GALNT3: variants seen among roughly 807,000 people sequenced by gnomAD.
GALNT3 encodes GalNAc transferase 3.
In GALNT3, 51 loss-of-function variants were observed where a neutral mutation model predicts 69.8. The observed-to-expected ratio is 0.73, with a 90% CI of 0.58 to 0.92. The LOEUF (loss-of-function observed/expected upper bound fraction) is 0.92, where lower values mean the gene tolerates loss of function less well. GALNT3 is among the 40% of genes least tolerant of loss of function. The pLI, the probability that GALNT3 is intolerant of heterozygous loss-of-function variation, is 0.00. For missense variants in GALNT3, 711 were observed against 760.0 expected (o/e 0.94, Z 0.76); for synonymous variants, 265 against 248.5 (o/e 1.07, Z -0.63).
rs772122826 is a variant in GALNT3, at chr2:165,770,576, C to G, written c.125G>C (p.Ser42Thr). The part of the protein sequence containing the change: ...IVLVLMQREV[S>T]VQYSKEESRM... ...TGATTCCTCTTTGGAATATTGAACA[C>G]TTACTTCTCTTTGCATTAAAACCAA... The change falls in exon 2 of 11, where the codon AGT (serine) becomes ACT (threonine). Residue 42 changes from serine (S) to threonine (T), a missense_variant. By Grantham distance (58) the Ser-to-Thr change is moderately conservative. Coordinates refer to ENST00000392701, the MANE Select transcript of GALNT3 (RefSeq NM_004482.4). The G allele has an allele frequency of 1.2e-6, 2 of 1,611,464 alleles. No individual in the cohort carries two copies. Among genetic ancestry groups the G allele is most frequent in the African/African-American group, 1.3e-5 (1 of 74,760 alleles).
chr2:165,766,631 A>G (rs1417375466), intron 2 of GALNT3, among the ~76,000 whole-genome samples: 1 of 61,342 alleles, frequency 1.6e-5, no homozygotes, highest in Non-Finnish European at 5.4e-5. Context: ...TAAAGCAACT[A>G]TATCTTTAAG....
intron 8 of GALNT3, 45 bp downstream of exon 8, chr2:165,754,887 T>C: frequency 6.2e-7 from 1 of 1,601,064 alleles, no homozygotes; most frequent in Non-Finnish European, 8.6e-7. Context: ...TAAAGGTTGG[T>C]GGCAAGGAGT....
At chr2:165,769,441 A>C (rs1455311541) in intron 2 of GALNT3, among the ~76,000 whole-genome samples, 2 of 79,916 alleles carry the variant, frequency 2.5e-5, no homozygotes, top group East Asian at 3.8e-4. Context: ...TAATAATAAT[A>C]AATAAATAAA....
Position 165,770,610 on chromosome 2 carries a change from T to C in GALNT3, c.91A>G (p.Ile31Val). The C allele has an allele frequency of 1.2e-6, 2 of 1,602,950 alleles. No individual in the cohort carries two copies. The highest frequency in any genetic ancestry group is 2.2e-5 in the East Asian group (1 of 44,784). Residue 31 changes from isoleucine (I) to valine (V), a missense_variant, in exon 2 of 11, where the codon ATA (isoleucine) becomes GTA (valine). Transcript: ENST00000392701. ...WKLGAVIFFFIIVLVLMQREV... is the reference protein window; with the variant it reads ...WKLGAVIFFFVIVLVLMQREV... The stretch of plus-strand genomic sequence containing the variant: ...CTTTGCATTAAAACCAAAACTATTA[T>C]AAAGAAAAAAATTACTGCACCAAGC...
At chr2:165,788,100 G>A (rs1178445486) in intron 1 of GALNT3, among the ~76,000 whole-genome samples, 1 of 151,876 alleles carries the variant, frequency 6.6e-6, no homozygotes, top group Non-Finnish European at 1.5e-5. Context: ...AGGCCGAGGC[G>A]GGAGATTCAC....
Position 165,749,976 on chromosome 2 carries a change from T to A in GALNT3, c.1627-82A>T. On this transcript the variant is annotated intron_variant, in intron 9 of 10. Transcript: ENST00000392701. ...ATAAATAAATAAATCAGCAACTCGT[T>A]AAATAATAAAGTCATTTCTATTTCA... 5 of 1,197,832 alleles carry A rather than the reference T, an allele frequency of 4.2e-6. No homozygotes were observed. The South Asian group carries it at 4.9e-5, about 12-fold the overall frequency. The allele number at this position is 1,197,832 out of a possible 1,614,324, so 74.2% of individuals were successfully genotyped here.
At chr2:165,777,637 A>C (rs756437763) in intron 1 of GALNT3, among the ~76,000 whole-genome samples, 27 of 152,122 alleles carry the variant, frequency 1.8e-4, no homozygotes, top group Non-Finnish European at 3.8e-4. Context: ...GTTTAAGTTC[A>C]TGTTTACATT....
chr2:165,767,931 T>C (rs1157508836), intron 2 of GALNT3, among the ~76,000 whole-genome samples: 2 of 138,502 alleles, frequency 1.4e-5, no homozygotes, highest in African/African-American at 2.7e-5. Context: ...TGGAGTGCAA[T>C]GGTGCAATCT....
chr2:165,764,953 T>G lies in GALNT3; in HGVS notation c.619A>C (p.Ser207Arg). The G allele has an allele frequency of 6.2e-7, 1 of 1,614,218 alleles. No individual in the cohort carries two copies. ...AWSTLLRTVH[S>R]VLYSSPAILL... is the part of the protein sequence containing the mutation. Reference sequence around the variant, plus strand: ...ATTGCAGGTGAAGAATAGAGCACACTGTGGACAGTTCTAAGCAACGTGGAC... The same window carrying G: ...ATTGCAGGTGAAGAATAGAGCACACGGTGGACAGTTCTAAGCAACGTGGAC... The change falls in exon 3 of 11, where the codon AGT (serine) becomes CGT (arginine). Residue 207 changes from serine (S) to arginine (R), a missense_variant. Transcript: ENST00000392701.
At chr2:165,788,464 A>AGG (rs3221964) in intron 1 of GALNT3, among the ~76,000 whole-genome samples, 111 of 118,742 alleles carry the variant, frequency 9.3e-4, no homozygotes, top group African/African-American at 2.1e-3. Flanking sequence ...ATAATCCAAA[A>AGG]GGGTGTGTGT....
intron 2 of GALNT3, 136 bp downstream of exon 2, chr2:165,770,050 C>T (rs1281119599): frequency 1.0e-6 from 1 of 976,662 alleles, no homozygotes. Context: ...AAAATAAATA[C>T]AACAGGTTAA....
Position 165,754,938 on chromosome 2 carries a change from A to C in GALNT3, c.1518T>G (p.Ser506=), listed in dbSNP as rs775461827. The C allele has an allele frequency of 6.2e-7, 1 of 1,613,472 alleles. No homozygotes were observed. Among genetic ancestry groups the C allele is most frequent in the Admixed American group, 1.7e-5 (1 of 60,018 alleles). ...VYVPDLNPVI[S]GYIKSVGQPL... ...GGAACAGGAAAATACTCACGTATCC[A>C]GATATAACAGGATTAAGGTCTGGCA... The change falls in exon 8 of 11, where the codon TCT becomes TCG. Residue 506 remains serine, a synonymous_variant. Coordinates refer to ENST00000392701, the MANE Select transcript of GALNT3 (RefSeq NM_004482.4).
intron 1 of GALNT3, among the ~76,000 whole-genome samples, chr2:165,781,874 T>C (rs1035579990): frequency 1.3e-5 from 2 of 152,176 alleles, no homozygotes; most frequent in African/African-American, 4.8e-5. Flanking sequence ...TTGGCTCTGC[T>C]AGATAAAAAC....
At chr2:165,791,934 T>C (rs79143675) in intron 1 of GALNT3, among the ~76,000 whole-genome samples, 2,355 of 152,172 alleles carry the variant, frequency 0.015, 63 homozygotes, top group African/African-American at 0.054. Context: ...CAATGGACAA[T>C]TCTGTAATTA....
At chr2:165,751,897 G>T (rs566109901) in intron 9 of GALNT3, among the ~76,000 whole-genome samples, 21 of 152,212 alleles carry the variant, frequency 1.4e-4, no homozygotes, top group African/African-American at 4.8e-4. Context: ...CGGTTTAAGT[G>T]CAATGCTTGA....
intron 1 of GALNT3, among the ~76,000 whole-genome samples, chr2:165,779,524 G>A (rs1683055796): frequency 6.6e-6 from 1 of 152,176 alleles, no homozygotes; most frequent in Non-Finnish European, 1.5e-5. Flanking sequence ...GAGACATAGA[G>A]TCCTAACAGC....
At chr2:165,768,836 C>T (rs1166275521) in intron 2 of GALNT3, among the ~76,000 whole-genome samples, 1 of 149,152 alleles carries the variant, frequency 6.7e-6, no homozygotes, top group African/African-American at 2.5e-5. Context: ...TTCTTGTCGC[C>T]CAGGCTGGAG....
In GALNT3 at chr2:165,793,054, T is replaced by C. The variant is rs990669970; in HGVS notation, c.-109+961A>G. On this transcript the variant is annotated intron_variant, in intron 1 of 10. Transcript: ENST00000392701. ...CTCGATGGGGTTCTTAAAACAGAAA[T>C]AGTTTCTTTGATGAGTTGGAAAGAG... Among the ~76,000 whole-genome samples the C allele has an allele frequency of 2.6e-5, 4 of 152,114 alleles. No homozygotes were observed. The East Asian group carries it at 7.7e-4, about 29-fold the overall frequency.
chr2:165,750,977 G>A (rs1393867781), intron 9 of GALNT3, among the ~76,000 whole-genome samples: 1 of 152,030 alleles, frequency 6.6e-6, no homozygotes. Context: ...TTGCCCTGCT[G>A]CACAAAATTA....
Sources: gnomAD v4.1 joint callset for allele counts (sites outside exome capture counted in the v4.1 genomes callset) on GRCh38, gnomAD v4.1.1 for gene constraint, MANE v1.5 for transcripts, NCBI Gene and HGNC (gene_info 2026-07-23, HGNC 2026-07-21) for gene names.